Variants in PIEZO2 observed in about 807,000 individuals in gnomAD.
The protein encoded by PIEZO2 is piezo-type mechanosensitive ion channel component 2.
A neutral mutation model predicts 337.3 loss-of-function variants in PIEZO2; 172 were observed. The observed-to-expected ratio is 0.51, with a 90% CI of 0.45 to 0.58. The LOEUF (loss-of-function observed/expected upper bound fraction) is 0.58, where lower values mean the gene tolerates loss of function less well. PIEZO2 is among the 20% of genes least tolerant of loss of function. The pLI, the probability that PIEZO2 is intolerant of heterozygous loss-of-function variation, is 0.00. For missense variants in PIEZO2, 3,028 were observed against 3,391.3 expected (o/e 0.89, Z 2.66); for synonymous variants, 1,251 against 1,228.5 (o/e 1.02, Z -0.38).
intron 31 of PIEZO2, 119 bp downstream of exon 31, chr18:10,744,023 T>C: frequency 3.1e-6 from 2 of 640,672 alleles, no homozygotes; most frequent in Non-Finnish European, 2.6e-6. Flanking sequence ...TAGGAAGTTG[T>C]GAAAGTCCAT....
At chr18:11,139,981 C>T (rs2040595901) in intron 1 of PIEZO2, among the ~76,000 whole-genome samples, 1 of 152,170 alleles carries the variant, frequency 6.6e-6, no homozygotes, top group South Asian at 2.1e-4. Flanking sequence ...TGCTTTGACT[C>T]TGCTGTTCTC....
At chr18:10,999,969 T>G (rs1037469345) in intron 2 of PIEZO2, among the ~76,000 whole-genome samples, 2 of 152,152 alleles carry the variant, frequency 1.3e-5, no homozygotes, top group African/African-American at 4.8e-5. Flanking sequence ...TACCTAACCA[T>G]GTTGACTTAT....
intron 3 of PIEZO2, among the ~76,000 whole-genome samples, chr18:10,967,580 G>T (rs1215215534): frequency 6.6e-6 from 1 of 152,020 alleles, no homozygotes; most frequent in Non-Finnish European, 1.5e-5. Flanking sequence ...GTGTAAAATT[G>T]TTTCCTTTTT....
intron 1 of PIEZO2, among the ~76,000 whole-genome samples, chr18:11,130,695 G>C (rs2040315937): frequency 6.6e-6 from 1 of 152,222 alleles, no homozygotes; most frequent in Non-Finnish European, 1.5e-5. Context: ...TAGGGGTCCA[G>C]TGGTGTGGGG....
chr18:10,691,399 A>T lies in PIEZO2; in HGVS notation c.7191-16T>A. On this transcript the variant is annotated splice_polypyrimidine_tract_variant and intron_variant, in intron 47 of 55. Coordinates refer to ENST00000674853, the MANE Select transcript of PIEZO2 (RefSeq NM_001378183.1). The stretch of plus-strand genomic sequence containing the variant: ...GCTGAATTTCCTAAAATGTAAAAGT[A>T]CAGAAAGTGAAGCAATGAAATACTC... The T allele has an allele frequency of 6.2e-7, 1 of 1,609,450 alleles. No individual in the cohort carries two copies. Among genetic ancestry groups the T allele is most frequent in the East Asian group, 2.2e-5 (1 of 44,792 alleles).
chr18:10,955,721 C>G (rs2033489246), intron 3 of PIEZO2, among the ~76,000 whole-genome samples: 1 of 152,138 alleles, frequency 6.6e-6, no homozygotes, highest in Non-Finnish European at 1.5e-5. Context: ...ATTTTAAGTA[C>G]AGAGAACTCC....
rs935816974 is a variant in PIEZO2 at position 10,973,297 on chromosome 18, G to C, written c.286+6238C>G. ...AAACAATGTGTATTCATTACTCCAA[G>C]AGCGTTGACTCCATCAGATATTGGG... On this transcript the variant is annotated intron_variant, in intron 3 of 55. Coordinates refer to ENST00000674853, the MANE Select transcript of PIEZO2 (RefSeq NM_001378183.1). This position sits in a 1 kb window ranked among gnomAD's most constrained non-coding sequence, Gnocchi z 4.9. Among the ~76,000 whole-genome samples the C allele has an allele frequency of 2.0e-5, 3 of 152,178 alleles. No homozygotes were observed. The highest frequency in any genetic ancestry group is 4.4e-5 in the Non-Finnish European group (3 of 68,042).
chr18:10,720,234 G>GCATATATATATATATATATA (rs1555631512), intron 36 of PIEZO2, among the ~76,000 whole-genome samples: 2 of 119,920 alleles, frequency 1.7e-5, no homozygotes, highest in African/African-American at 6.7e-5. Flanking sequence ...GTGTGTGTGT[G>GCATATATATATATATATATA]TATATATATA....
chr18:10,714,654 C>T (rs1457529500), intron 39 of PIEZO2, 110 bp downstream of exon 39: 21 of 1,225,880 alleles, frequency 1.7e-5, no homozygotes, highest in African/African-American at 3.0e-5. Context: ...GGTGGGGGTC[C>T]ATGCATGGTT....
chr18:10,681,094 G>A (rs577760374), intron 51 of PIEZO2, among the ~76,000 whole-genome samples: 1 of 152,126 alleles, frequency 6.6e-6, no homozygotes, highest in Non-Finnish European at 1.5e-5. Context: ...TCTCTGTAAT[G>A]AATTTTTTAA....
intron 4 of PIEZO2, among the ~76,000 whole-genome samples, chr18:10,886,492 A>ATATATATATATGTATGTG: frequency 1.7e-5 from 2 of 120,522 alleles, no homozygotes; most frequent in African/African-American, 7.3e-5. Context: ...CAAACCATAT[A>ATATATATATATGTATGTG]TATATACGCA....
chr18:11,067,257 T>A (rs1481289139), intron 1 of PIEZO2, among the ~76,000 whole-genome samples: 1 of 152,182 alleles, frequency 6.6e-6, no homozygotes, highest in African/African-American at 2.4e-5. Flanking sequence ...AATATATCTA[T>A]GTAATAAAAC....
In PIEZO2 at chr18:10,872,772, G is replaced by C. The variant is rs1375696488; in HGVS notation, c.330-1357C>G. On this transcript the variant is annotated intron_variant, in intron 4 of 55. Transcript: ENST00000674853. This position sits in a 1 kb window ranked among gnomAD's most constrained non-coding sequence, Gnocchi z 4.3. Reference sequence around the variant, plus strand: ...TCACTCATATAATATAAAATAAGCTGTAACAAGAAAAAGCTAATGAAATGA... The same window carrying C: ...TCACTCATATAATATAAAATAAGCTCTAACAAGAAAAAGCTAATGAAATGA... Among the ~76,000 whole-genome samples the C allele has an allele frequency of 6.6e-6, 1 of 152,096 alleles. No individual in the cohort carries two copies. Among genetic ancestry groups the C allele is most frequent in the Non-Finnish European group, 1.5e-5 (1 of 68,018 alleles).
intron 2 of PIEZO2, among the ~76,000 whole-genome samples, chr18:11,049,443 A>C (rs1235291135): frequency 6.6e-6 from 1 of 152,194 alleles, no homozygotes; most frequent in East Asian, 1.9e-4. Context: ...CAAATGAGTA[A>C]ATGAAAGAAT....
chr18:10,741,355 A>T (rs933983803), intron 32 of PIEZO2, among the ~76,000 whole-genome samples: 1 of 152,252 alleles, frequency 6.6e-6, no homozygotes, highest in Non-Finnish European at 1.5e-5. Flanking sequence ...ATACAAAGAC[A>T]TATAAAAAAG....
intron 4 of PIEZO2, among the ~76,000 whole-genome samples, chr18:10,885,116 G>A (rs1269852418): frequency 6.6e-6 from 1 of 152,110 alleles, no homozygotes; most frequent in Non-Finnish European, 1.5e-5. Flanking sequence ...ACACGTGTGT[G>A]GCAAGCTCAG....
intron 45 of PIEZO2, 122 bp downstream of exon 45, chr18:10,697,626 T>G (rs2035152634): frequency 1.5e-6 from 2 of 1,325,598 alleles, no homozygotes; most frequent in East Asian, 4.7e-5. Context: ...TCATTCTGCC[T>G]TACGCAGATA....
intron 2 of PIEZO2, among the ~76,000 whole-genome samples, chr18:11,025,016 A>G (rs1428231937): frequency 1.3e-5 from 2 of 151,848 alleles, no homozygotes; most frequent in Non-Finnish European, 2.9e-5. Flanking sequence ...CATAGCCTGC[A>G]TGAGATGGAA....
At chr18:10,814,897 C>T (rs1220536608) in intron 7 of PIEZO2, among the ~76,000 whole-genome samples, 2 of 152,124 alleles carry the variant, frequency 1.3e-5, no homozygotes, top group African/African-American at 4.8e-5. Context: ...TTTCTGTAAG[C>T]GAGTCCTGGT....
Sources: gnomAD v4.1 joint callset for allele counts (sites outside exome capture counted in the v4.1 genomes callset) on GRCh38, gnomAD v4.1.1 for gene constraint, Gnocchi (gnomAD v3.1) non-coding constraint, MANE v1.5 for transcripts, NCBI Gene and HGNC (gene_info 2026-07-23, HGNC 2026-07-21) for gene names.